Variants in SDHAF3 observed in about 807,000 individuals in gnomAD.
SDHAF3 encodes succinate dehydrogenase assembly factor 3, mitochondrial.
SDHAF3 carries 18 observed loss-of-function variants against 11.5 expected under a neutral mutation model. The observed-to-expected ratio is 1.56, with a 90% CI of 1.08 to 2.32. SDHAF3 has a LOEUF of 2.32. Among genes scored for constraint, SDHAF3 ranks in the 30% most tolerant of loss-of-function variants. SDHAF3 has a pLI of 0.00. For synonymous variants in SDHAF3, 72 were observed against 59.3 expected (o/e 1.21, Z -0.99); for missense variants, 200 against 154.4 (o/e 1.30, Z -1.57).
At chr7:97,166,408 TC>T (rs1374819914) in intron 1 of SDHAF3, among the ~76,000 whole-genome samples, 9 of 149,696 alleles carry the variant, frequency 6.0e-5, no homozygotes, top group Non-Finnish European at 1.2e-4. Context: ...TCAAAGATTT[TC>T]TGATGGGCAA....
chr7:97,126,989 A>G (rs539381051), intron 1 of SDHAF3, among the ~76,000 whole-genome samples: 4 of 152,308 alleles, frequency 2.6e-5, no homozygotes, highest in South Asian at 4.1e-4. Flanking sequence ...TGGGAAAAGC[A>G]TAGTATCTGG....
chr7:97,135,637 CGTGTGTGTGTGTGTGTGTGTGTGT>C (rs56102126), intron 1 of SDHAF3: 1 of 85,396 alleles, frequency 1.2e-5, no homozygotes. Context: ...TATGTGCGTG[CGTGTGTGTGTGTGTGTGTGTGTGT>C]GTGTGTGTAT....
At chr7:97,136,321 T>C in intron 1 of SDHAF3, 1 of 514,672 alleles carries the variant, frequency 1.9e-6, no homozygotes. Flanking sequence ...GAAAAGTGAA[T>C]TATCAACCTG....
chr7:97,154,084 A>C (rs1047473166), intron 1 of SDHAF3, among the ~76,000 whole-genome samples: 1 of 151,714 alleles, frequency 6.6e-6, no homozygotes, highest in African/African-American at 2.4e-5. Context: ...TAGGCGGTGG[A>C]GTTAGGAGCA....
chr7:97,117,846 A>G lies in SDHAF3; in HGVS notation c.123A>G (p.Arg41=), dbSNP rs751211823. 3.7e-6 allele frequency: 6 copies of G among 1,614,182 alleles called. No individual in the cohort carries two copies. Among genetic ancestry groups the G allele is most frequent in the Non-Finnish European group, 4.2e-6 (5 of 1,180,032 alleles). ...AGTACGTGAAAGACGAATTTAGGAG[A>G]CATAAGACCGTTGGTTCTGACGAGG... The part of the protein sequence containing the change: ...GDQYVKDEFR[R]HKTVGSDEAQ... Residue 41 remains arginine, a synonymous_variant, in exon 1 of 2, where the codon AGA becomes AGG. Transcript: ENST00000432641.
intron 1 of SDHAF3, among the ~76,000 whole-genome samples, chr7:97,154,947 A>G (rs554635021): frequency 6.6e-6 from 1 of 152,206 alleles, no homozygotes; most frequent in Non-Finnish European, 1.5e-5. Context: ...TCAATTAGGC[A>G]TATTTGTCAG....
At chr7:97,122,396 T>G (rs1190325809) in intron 1 of SDHAF3, among the ~76,000 whole-genome samples, 1 of 152,128 alleles carries the variant, frequency 6.6e-6, no homozygotes, top group African/African-American at 2.4e-5. Flanking sequence ...AAAGCCTGAT[T>G]GAAAGTAGGG....
intron 1 of SDHAF3, among the ~76,000 whole-genome samples, chr7:97,152,129 G>T (rs1584223557): frequency 2.0e-5 from 3 of 152,038 alleles, no homozygotes; most frequent in African/African-American, 7.2e-5. Context: ...CTGCCCTGCC[G>T]GTTCATCCCC....
At chr7:97,124,603 CAAT>C (rs2115619865) in intron 1 of SDHAF3, among the ~76,000 whole-genome samples, 1 of 152,258 alleles carries the variant, frequency 6.6e-6, no homozygotes, top group African/African-American at 2.4e-5. Context: ...GCCATTTTAG[CAAT>C]ATTAATTCTT....
chr7:97,181,500 A>AGTC lies in SDHAF3; in HGVS notation c.*286_*288dup, dbSNP rs930558603. The AGTC allele has an allele frequency of 9.3e-5, 22 of 237,300 alleles. No homozygotes were observed. Among genetic ancestry groups the AGTC allele is most frequent in the Non-Finnish European group, 1.6e-4 (19 of 121,406 alleles). The allele number at this position is 237,300 out of a possible 1,614,324, so 14.7% of individuals were successfully genotyped here. A position where few individuals can be genotyped will look rare whatever the true frequency, so the allele number is the denominator to read the frequency against. ...AATGCTATTCTCATCCAGCCATATT[A>AGTC]GTCTTCTGGCTTTTCTTTAGCTTCA... On this transcript the variant is annotated 3_prime_UTR_variant, in exon 2 of 2. Coordinates refer to ENST00000432641, the MANE Select transcript of SDHAF3 (RefSeq NM_020186.3).
intron 1 of SDHAF3, among the ~76,000 whole-genome samples, chr7:97,153,915 T>C (rs1458622431): frequency 6.6e-6 from 1 of 152,222 alleles, no homozygotes; most frequent in Admixed American, 6.5e-5. Context: ...TTAATTCATG[T>C]TTTCCTAATT....
At chr7:97,164,896 A>G (rs1005321429) in intron 1 of SDHAF3, among the ~76,000 whole-genome samples, 2 of 152,158 alleles carry the variant, frequency 1.3e-5, no homozygotes, top group African/African-American at 2.4e-5. Flanking sequence ...GTGAACTGAA[A>G]CTATAGGAAA....
rs61092979 is a variant in SDHAF3 at position 97,151,503 on chromosome 7, C to CTT, written c.175-29497_175-29496dup. ...TGGGTGAGGTTGCTAACCTTTAGTC[C>CTT]TTTTTTTTTTTTTGAGTTGGAGTCT... On this transcript the variant is annotated intron_variant, in intron 1 of 1. Transcript: ENST00000432641. Among the ~76,000 whole-genome samples the CTT allele has an allele frequency of 7.2e-3, 1,013 of 141,086 alleles. 14 individuals carry two copies. Among genetic ancestry groups the CTT allele is most frequent in the African/African-American group, 0.023 (878 of 38,266 alleles). 92.6% of individuals were successfully genotyped at this position (141,086 alleles called of 152,430 possible). A position where few individuals can be genotyped will look rare whatever the true frequency, so the allele number is the denominator to read the frequency against.
intron 1 of SDHAF3, among the ~76,000 whole-genome samples, chr7:97,156,478 TC>T (rs1195143005): frequency 6.6e-6 from 1 of 152,232 alleles, no homozygotes; most frequent in African/African-American, 2.4e-5. Flanking sequence ...GTTAATGTTG[TC>T]TTCAGAACAT....
intron 1 of SDHAF3, among the ~76,000 whole-genome samples, chr7:97,162,102 C>G (rs1312364051): frequency 6.6e-6 from 1 of 152,160 alleles, no homozygotes. Context: ...TCTGTTGTTT[C>G]CTGACTTTTT....
At chr7:97,177,319 A>G (rs1317867783) in intron 1 of SDHAF3, among the ~76,000 whole-genome samples, 1 of 151,852 alleles carries the variant, frequency 6.6e-6, no homozygotes. Flanking sequence ...TAGCTAACGC[A>G]GTGAAACCCA....
At chr7:97,161,581 CT>C (rs1789409956) in intron 1 of SDHAF3, among the ~76,000 whole-genome samples, 1 of 152,304 alleles carries the variant, frequency 6.6e-6, no homozygotes, top group East Asian at 1.9e-4. Context: ...TATCCCTCCC[CT>C]AGCCCCCCTC....
intron 1 of SDHAF3, among the ~76,000 whole-genome samples, chr7:97,155,807 T>C (rs193252072): frequency 6.6e-5 from 10 of 152,114 alleles, no homozygotes; most frequent in Non-Finnish European, 1.2e-4. Flanking sequence ...TATATATTTA[T>C]ATATATTATA....
intron 1 of SDHAF3, among the ~76,000 whole-genome samples, chr7:97,126,875 C>T (rs962799163): frequency 6.6e-6 from 1 of 150,822 alleles, no homozygotes; most frequent in Non-Finnish European, 1.5e-5. Flanking sequence ...CTGCAGCTAG[C>T]TCGGTGTCTG....
Sources: gnomAD v4.1 joint callset for allele counts (sites outside exome capture counted in the v4.1 genomes callset) on GRCh38, gnomAD v4.1.1 for gene constraint, MANE v1.5 for transcripts, NCBI Gene and HGNC (gene_info 2026-07-23, HGNC 2026-07-21) for gene names.